The following NF1 variants were observed in gnomAD, a reference collection of about 807,000 sequenced individuals.
The protein encoded by NF1 is neurofibromin.
Under a neutral mutation model 325.7 loss-of-function variants are expected in NF1, and 122 were observed. That is an observed-to-expected ratio of 0.37 (90% CI 0.32 to 0.44). The LOEUF is 0.44. Ranked by LOEUF, NF1 falls within the 20% of genes least tolerant of loss-of-function variation. NF1 has a pLI of 1.00. For missense variants in NF1, 2,140 were observed against 3,415.4 expected, an observed-to-expected ratio of 0.63 and a Z score of 9.31; for synonymous variants, 1,091 against 1,186.0, an observed-to-expected ratio of 0.92 and a Z score of 1.65.
At chr17:31,114,222 A>G (rs1231973934) in intron 1 of NF1, among the ~76,000 whole-genome samples, 2 of 152,186 alleles carry the variant, frequency 1.3e-5, no homozygotes, top group African/African-American at 4.8e-5. Context: ...TGTACATTCC[A>G]TGTTTCCTTT....
Position 31,233,104 on chromosome 17 carries a change from T to C in NF1, c.3599T>C (p.Val1200Ala), listed in dbSNP as rs1597720023. Residue 1200 changes from valine (V) to alanine (A), a missense_variant, in exon 27 of 58, where the codon GTA becomes GCA. By Grantham distance (64) the Val-to-Ala change is moderately conservative. Around this residue, in one of 10 missense-constraint regions of NF1, gnomAD observed 336 missense variants for 399.0 expected, o/e 0.84. Transcript: ENST00000358273. Reference protein sequence around the residue: ...GTEFDTLAETVLADRFERLVE... With the variant: ...GTEFDTLAETALADRFERLVE... ...GAATTTGACACACTTGCAGAAACAG[T>C]ATTGGCTGATCGGTTTGAGAGATTG... 1 of 1,614,134 alleles carries C rather than the reference T, an allele frequency of 6.2e-7. No individual in the cohort carries two copies. The highest frequency in any genetic ancestry group is 2.2e-5 in the East Asian group (1 of 44,872).
At chr17:31,218,336 C>T (rs1597702509) in intron 13 of NF1, among the ~76,000 whole-genome samples, 2 of 152,184 alleles carry the variant, frequency 1.3e-5, no homozygotes, top group East Asian at 1.9e-4. Flanking sequence ...TTTCCCTGGA[C>T]ATTATTCACA....
At chr17:31,160,730 T>G (rs147984077) in intron 3 of NF1, among the ~76,000 whole-genome samples, 100 of 152,334 alleles carry the variant, frequency 6.6e-4, no homozygotes, top group African/African-American at 2.3e-3. Flanking sequence ...TTGTTCAGTT[T>G]CACAGCTTTT....
intron 27 of NF1, among the ~76,000 whole-genome samples, chr17:31,234,906 A>C (rs1355927614): frequency 6.6e-6 from 1 of 151,946 alleles, no homozygotes; most frequent in Non-Finnish European, 1.5e-5. Context: ...ATTATCTATA[A>C]ATTTCTTCTT....
chr17:31,105,107 C>T (rs979754711), intron 1 of NF1, among the ~76,000 whole-genome samples: 1 of 152,090 alleles, frequency 6.6e-6, no homozygotes, highest in African/African-American at 2.4e-5. Flanking sequence ...GTTATGTTGC[C>T]CAGGCTGGTC....
intron 1 of NF1, among the ~76,000 whole-genome samples, chr17:31,103,667 T>G (rs1446448035): frequency 6.6e-6 from 1 of 152,136 alleles, no homozygotes. Context: ...TGGCCTTAAG[T>G]CTGCTTTTAA....
rs2151554012 is a variant in NF1, at chr17:31,336,582, A to C, written c.6148-53A>C. 6.4e-7 allele frequency: 1 copy of C among 1,568,752 alleles called. No individual in the cohort carries two copies. Among genetic ancestry groups the C allele is most frequent in the Non-Finnish European group, 8.6e-7 (1 of 1,159,244 alleles). On this transcript the variant is annotated intron_variant, in intron 41 of 57. Transcript: ENST00000358273. The surrounding 1 kb of genome is among the most constrained non-coding windows in gnomAD (Gnocchi z 5.5). ...TTAAACTGAACTTTTTTGTGCTAAA[A>C]CTTTGAGTCCCATGTTTTTTTTTTT...
At chr17:31,373,047 GT>G (rs944799588) in intron 57 of NF1, among the ~76,000 whole-genome samples, 1 of 152,140 alleles carries the variant, frequency 6.6e-6, no homozygotes, top group Non-Finnish European at 1.5e-5. Flanking sequence ...TTAGGCCCAG[GT>G]TTTGGAGGTT....
chr17:31,184,890 T>A (rs1331482001), intron 8 of NF1, among the ~76,000 whole-genome samples: 1 of 152,154 alleles, frequency 6.6e-6, no homozygotes, highest in Non-Finnish European at 1.5e-5. Flanking sequence ...GTGTCTACTG[T>A]TAAAGTGTGG....
At chr17:31,271,584 A>G (rs1399312653) in intron 36 of NF1, among the ~76,000 whole-genome samples, 1 of 152,128 alleles carries the variant, frequency 6.6e-6, no homozygotes, top group Admixed American at 6.5e-5. Flanking sequence ...AAACCCCTCT[A>G]CTAAAAATAC....
At chr17:31,115,092 T>G (rs1484073117) in intron 1 of NF1, among the ~76,000 whole-genome samples, 1 of 152,186 alleles carries the variant, frequency 6.6e-6, no homozygotes, top group African/African-American at 2.4e-5. Context: ...CTTCTTTGAC[T>G]GTTGATGTAG....
intron 30 of NF1, chr17:31,249,983 A>G (rs1336677581): frequency 4.1e-6 from 2 of 493,206 alleles, no homozygotes; most frequent in African/African-American, 3.9e-5. Flanking sequence ...CTTTTTTAGC[A>G]CACGGCTTCA....
At chr17:31,201,917 A>G (rs1015536497) in intron 11 of NF1, among the ~76,000 whole-genome samples, 9 of 152,218 alleles carry the variant, frequency 5.9e-5, no homozygotes, top group African/African-American at 2.2e-4. Flanking sequence ...CACATTGACA[A>G]AATGATGGGA....
intron 12 of NF1, among the ~76,000 whole-genome samples, chr17:31,211,289 A>G (rs2066724556): frequency 6.6e-6 from 1 of 152,210 alleles, no homozygotes; most frequent in South Asian, 2.1e-4. Context: ...TAAGAAACAC[A>G]TTGCTTCTTT....
intron 22 of NF1, 39 bp downstream of exon 22, chr17:31,230,013 A>T (rs2151430968): frequency 6.2e-7 from 1 of 1,610,480 alleles, no homozygotes; most frequent in African/African-American, 1.3e-5. Flanking sequence ...ACATTTTAAG[A>T]GATAAGAAAA....
intron 50 of NF1, among the ~76,000 whole-genome samples, chr17:31,351,211 A>T (rs2070133318): frequency 8.7e-6 from 1 of 115,034 alleles, no homozygotes; most frequent in Admixed American, 8.2e-5. Flanking sequence ...TTTAGACTTA[A>T]TTTTTTCTGA....
At position 31,112,067 on chromosome 17, in the gene NF1, C is replaced by T. The variant is rs563546833; in HGVS notation, c.60+16698C>T. 2.2e-4 allele frequency among the ~76,000 whole-genome samples: 33 copies of T among 152,126 alleles called. 1 individual carries two copies. In the South Asian group the frequency reaches 5.2e-3, roughly 24 times the overall value. Reference sequence around the variant, plus strand: ...AATCAAGATGAAGAACATATATTACCGGCAAAAGTTTTCTCCAGCCTCCTT... The same window carrying T: ...AATCAAGATGAAGAACATATATTACTGGCAAAAGTTTTCTCCAGCCTCCTT... On this transcript the variant is annotated intron_variant, in intron 1 of 57. Transcript: ENST00000358273.
At chr17:31,200,926 G>A in intron 9 of NF1, 111 bp from the exon 10 acceptor site, 2 of 1,465,078 alleles carry the variant, frequency 1.4e-6, no homozygotes, top group East Asian at 2.3e-5. Context: ...TCTTCTGGCA[G>A]CTGGATTTTA....
chr17:31,239,423 A>G (rs2067256401), intron 29 of NF1, among the ~76,000 whole-genome samples: 2 of 152,176 alleles, frequency 1.3e-5, no homozygotes. Context: ...AATACATCAA[A>G]ATTTGTGGGG....
Sources: gnomAD v4.1 joint callset for allele counts (sites outside exome capture counted in the v4.1 genomes callset) on GRCh38, gnomAD v4.1.1 for gene constraint, gnomAD v4.1.1 regional missense constraint, Gnocchi (gnomAD v3.1) non-coding constraint, MANE v1.5 for transcripts, NCBI Gene and HGNC (gene_info 2026-07-23, HGNC 2026-07-21) for gene names.